Variants in MRPS25 observed in about 807,000 individuals in gnomAD.
MRPS25 encodes the protein small ribosomal subunit protein mS25.
In MRPS25, 15 loss-of-function variants were observed where a neutral mutation model predicts 17.3. The ratio of observed to expected loss-of-function variants is 0.87; its 90% CI spans 0.58 to 1.34. The LOEUF is 1.34. Among genes scored for constraint, MRPS25 ranks in the 40% most tolerant of loss-of-function variants. The pLI, the probability that MRPS25 is intolerant of heterozygous loss-of-function variation, is 0.00. For missense variants in MRPS25, 225 were observed against 218.6 expected, an observed-to-expected ratio of 1.03 and a Z score of -0.19; for synonymous variants, 94 against 83.3, an observed-to-expected ratio of 1.13 and a Z score of -0.70.
chr3:15,054,193 A>C (rs1239584272), intron 2 of MRPS25, among the ~76,000 whole-genome samples: 1 of 152,068 alleles, frequency 6.6e-6, no homozygotes, highest in African/African-American at 2.4e-5. Context: ...TCTGGGCAAC[A>C]GTGTGAGACT....
intron 1 of MRPS25, among the ~76,000 whole-genome samples, chr3:15,064,199 T>C (rs2042821739): frequency 6.6e-6 from 1 of 152,098 alleles, no homozygotes; most frequent in South Asian, 2.1e-4. Context: ...ACTGCTGAAC[T>C]CCCAGCACAC....
downstream of MRPS25, chr3:15,042,705 G>A: frequency 1.4e-6 from 1 of 735,970 alleles, no homozygotes; most frequent in Non-Finnish European, 2.2e-6. Context: ...TCAGAAAAGA[G>A]AGGTGGGTGG....
At chr3:15,043,128 G>T, downstream of MRPS25, 1 of 913,886 alleles carries the variant, frequency 1.1e-6, no homozygotes, top group Non-Finnish European at 1.5e-6. Context: ...TTCCTGTCTG[G>T]TTTCTCCTTA....
rs1394479414 is a variant in MRPS25, at chr3:15,062,355, G to A, written c.134+2706C>T. Among the ~76,000 whole-genome samples, 5 of 49,472 alleles carry A rather than the reference G, an allele frequency of 1.0e-4. 1 individual carries two copies. The highest frequency in any genetic ancestry group is 2.1e-4 in the Non-Finnish European group (5 of 24,314). 32.5% of individuals were successfully genotyped at this position (49,472 alleles called of 152,430 possible). On this transcript the variant is annotated intron_variant, in intron 1 of 3. Transcript: ENST00000253686. ...GGCCGCCCCTACTGGGAAGTGAGGA[G>A]CCCCTCTGCCCGGCCAGGCCGCCCC...
At chr3:15,062,632 GA>G (rs1176953045) in intron 1 of MRPS25, among the ~76,000 whole-genome samples, 2 of 152,200 alleles carry the variant, frequency 1.3e-5, no homozygotes, top group African/African-American at 2.4e-5. Context: ...AGAAAGGGGG[GA>G]AAGGTGGGGA....
At position 15,050,979 on chromosome 3, in the gene MRPS25, G is replaced by T. The variant is rs1040554079; in HGVS notation, c.*1462C>A. The T allele has an allele frequency of 1.0e-6, 1 of 985,122 alleles. No homozygotes were observed. The highest frequency in any genetic ancestry group is 4.7e-5 in the South Asian group (1 of 21,294). 61.0% of individuals were successfully genotyped at this position (985,122 alleles called of 1,614,324 possible). A position where few individuals can be genotyped will look rare whatever the true frequency, so the allele number is the denominator to read the frequency against. ...TTTCCCCATTTTACAGACAAAACCA[G>T]TTACAGACCTGGAAAGCTTTTAGGA... On this transcript the variant is annotated 3_prime_UTR_variant, in exon 4 of 4. Transcript: ENST00000253686.
intron 2 of MRPS25, among the ~76,000 whole-genome samples, chr3:15,058,820 T>C (rs2042706397): frequency 6.6e-6 from 1 of 152,132 alleles, no homozygotes; most frequent in African/African-American, 2.4e-5. Flanking sequence ...CCCTCCTCGT[T>C]TTCCAGCGTG....
In MRPS25 at chr3:15,059,389, G is replaced by T. The variant is rs767284384; in HGVS notation, c.221C>A (p.Pro74His). 1.2e-6 allele frequency: 2 copies of T among 1,613,094 alleles called. No individual in the cohort carries two copies. Among genetic ancestry groups the T allele is most frequent in the South Asian group, 2.2e-5 (2 of 90,984 alleles). ...IMMFKNMTPS[P>H]FLRFYLDSGE... ...CTCACCTAAGTAGAATCGCAGGAAG[G>T]GTGACGGCGTCATGTTCTTAAACAT... Residue 74 changes from proline to histidine, a missense_variant, in exon 2 of 4, where the codon CCC (proline) becomes CAC (histidine). Physicochemically the swap from Pro to His is moderately conservative, Grantham distance 77. Coordinates refer to ENST00000253686, the MANE Select transcript of MRPS25 (RefSeq NM_022497.5).
At position 15,065,273 on chromosome 3, in the gene MRPS25, G is replaced by C. The variant is rs964639796; in HGVS notation, c.-79C>G. On this transcript the variant is annotated 5_prime_UTR_variant, in exon 1 of 4. It adds an upstream start codon to the 5' untranslated region. Coordinates refer to ENST00000253686, the MANE Select transcript of MRPS25 (RefSeq NM_022497.5). ...GAAAGGACTAGCTAGCACCCGCGCG[G>C]ATCTCACGCGGCTTCTCCCCAGAGC... 4 of 1,454,442 alleles carry C rather than the reference G, an allele frequency of 2.8e-6. No individual in the cohort carries two copies. The highest frequency in any genetic ancestry group is 3.6e-6 in the Non-Finnish European group (4 of 1,101,958). 90.1% of individuals were successfully genotyped at this position (1,454,442 alleles called of 1,614,324 possible).
rs1341371971 is a variant in MRPS25, at chr3:15,059,442, T to C, written c.168A>G (p.Gln56=). The change falls in exon 2 of 4, where the codon CAA becomes CAG. Residue 56 remains glutamine, a synonymous_variant. Transcript: ENST00000253686. The stretch of plus-strand genomic sequence containing the variant: ...TGATCTGCACCCAAGGGTTTTTGTA[T>C]TGAATCTGAGGTATGTTGAAAAACA... The part of the protein sequence containing the change: ...KFVFFNIPQI[Q]YKNPWVQIMM... 15 of 1,613,730 alleles carry C rather than the reference T, an allele frequency of 9.3e-6. No homozygotes were observed. The highest frequency in any genetic ancestry group is 1.7e-5 in the Admixed American group (1 of 59,996).
chr3:15,058,548 C>T (rs1559328905), intron 2 of MRPS25, among the ~76,000 whole-genome samples: 1 of 152,170 alleles, frequency 6.6e-6, no homozygotes, highest in African/African-American at 2.4e-5. Context: ...ATAATCTCCA[C>T]GAGGGCAGCA....
intron 2 of MRPS25, among the ~76,000 whole-genome samples, chr3:15,056,461 T>G (rs1270280454): frequency 6.6e-6 from 1 of 152,160 alleles, no homozygotes; most frequent in African/African-American, 2.4e-5. Flanking sequence ...TTAAGGGCCT[T>G]GAGTTGGGGA....
intron 1 of MRPS25, among the ~76,000 whole-genome samples, chr3:15,062,544 G>C (rs1436807240): frequency 6.6e-6 from 1 of 151,666 alleles, no homozygotes; most frequent in Non-Finnish European, 1.5e-5. Flanking sequence ...CCCTCTGCCC[G>C]GCCACCACCC....
intron 1 of MRPS25, among the ~76,000 whole-genome samples, chr3:15,062,489 T>G (rs1575073515): frequency 7.7e-6 from 1 of 130,630 alleles, no homozygotes; most frequent in Non-Finnish European, 1.6e-5. Flanking sequence ...GTCCAGGAGG[T>G]GAGGGGCGCC....
Position 15,051,796 on chromosome 3 carries a change from G to T in MRPS25, c.*645C>A. 2 of 985,504 alleles carry T rather than the reference G, an allele frequency of 2.0e-6. No individual in the cohort carries two copies. Among genetic ancestry groups the T allele is most frequent in the Non-Finnish European group, 2.4e-6 (2 of 829,992 alleles). The allele number at this position is 985,504 out of a possible 1,614,324, so 61.0% of individuals were successfully genotyped here. ...ACAGTGGCTGGGCCATGGGTTGGCA[G>T]TGGCTGACTGGTCAGCAGGTACGTG... is the stretch of plus-strand genomic sequence containing the variant. On this transcript the variant is annotated 3_prime_UTR_variant, in exon 4 of 4. Transcript: ENST00000253686.
chr3:15,043,123 G>C, downstream of MRPS25: 1 of 979,864 alleles, frequency 1.0e-6, no homozygotes. Flanking sequence ...GCCATTTCCT[G>C]TCTGGTTTCT....
chr3:15,058,868 G>C (rs954666437), intron 2 of MRPS25, among the ~76,000 whole-genome samples: 2 of 151,980 alleles, frequency 1.3e-5, no homozygotes, highest in South Asian at 4.1e-4. Context: ...CTTAGCGCCT[G>C]GTCCAAACAT....
At position 15,051,147 on chromosome 3, in the gene MRPS25, G is replaced by A. The variant is rs1443795452; in HGVS notation, c.*1294C>T. 6.1e-6 allele frequency: 6 copies of A among 985,200 alleles called. No individual in the cohort carries two copies. Among genetic ancestry groups the A allele is most frequent in the Non-Finnish European group, 7.2e-6 (6 of 829,936 alleles). The allele number at this position is 985,200 out of a possible 1,614,324, so 61.0% of individuals were successfully genotyped here. Reference sequence around the variant, plus strand: ...TCCTTGGCTGAGTTTCTAGGGGTCCGTGGTCCAACTGGTCCTTCACTTTAT... The same window carrying A: ...TCCTTGGCTGAGTTTCTAGGGGTCCATGGTCCAACTGGTCCTTCACTTTAT... On this transcript the variant is annotated 3_prime_UTR_variant, in exon 4 of 4. Coordinates refer to ENST00000253686, the MANE Select transcript of MRPS25 (RefSeq NM_022497.5).
In MRPS25 at chr3:15,053,447, C is replaced by T; in HGVS notation, c.262G>A (p.Val88Met). 3 of 1,614,164 alleles carry T rather than the reference C, an allele frequency of 1.9e-6. No homozygotes were observed. In the East Asian group the frequency reaches 6.7e-5, roughly 36 times the overall value. The change falls in exon 3 of 4, where the codon GTG becomes ATG. Residue 88 changes from valine (V) to methionine (M), a missense_variant. Transcript: ENST00000253686. Reference sequence around the variant, plus strand: ...TTATTGCTCTTGGTCTCCACATCCACCAGGACCTGCTCCCCAGAATCTGGA... The same window carrying T: ...TTATTGCTCTTGGTCTCCACATCCATCAGGACCTGCTCCCCAGAATCTGGA... ...FYLDSGEQVL[V>M]DVETKSNKEI...
Sources: allele counts gnomAD v4.1 joint callset (sites outside exome capture counted in the v4.1 genomes callset), GRCh38; gene constraint gnomAD v4.1.1; transcripts MANE v1.5; gene names NCBI Gene and HGNC (gene_info 2026-07-23, HGNC 2026-07-21).